FLI1: variants seen among roughly 807,000 people sequenced by gnomAD.
FLI1 encodes the protein Fli-1 proto-oncogene, ETS transcription factor.
In FLI1, 13 loss-of-function variants were observed where a neutral mutation model predicts 53.1. That is an observed-to-expected ratio of 0.24 (90% CI 0.16 to 0.39). FLI1 has a LOEUF of 0.39. Ranked by LOEUF, FLI1 falls within the 10% of genes least tolerant of loss-of-function variation. The pLI is 1.00. For synonymous variants in FLI1, 244 were observed against 236.7 expected (o/e 1.03, Z -0.28); for missense variants, 424 against 600.5 (o/e 0.71, Z 3.07).
chr11:128,694,544 G>C (rs929598658), intron 1 of FLI1, among the ~76,000 whole-genome samples: 4 of 46 alleles, frequency 0.087, no homozygotes, highest in South Asian at 0.5. Context: ...CTGCCCGCCG[G>C]GGCTGCAGGA....
intron 1 of FLI1, among the ~76,000 whole-genome samples, chr11:128,721,478 T>C (rs889999529): frequency 6.6e-6 from 1 of 152,190 alleles, no homozygotes; most frequent in Non-Finnish European, 1.5e-5. Context: ...TTGCTTTATG[T>C]TTGAAATTGT....
chr11:128,710,152 G>A lies in FLI1; in HGVS notation c.18+15876G>A, dbSNP rs2155137. Among the ~76,000 whole-genome samples, 665 of 152,064 alleles carry A rather than the reference G, an allele frequency of 4.4e-3. 4 individuals are homozygous for A. The highest frequency in any genetic ancestry group is 0.01 in the Middle Eastern group (3 of 294). On this transcript the variant is annotated intron_variant, in intron 1 of 8. Transcript: ENST00000527786. ...GAAAGGTCATATTGCTGTCTTTCAC[G>A]GTACACTGCACAACCAAGTATGATT...
At chr11:128,778,312 C>T (rs1430976717) in intron 4 of FLI1, among the ~76,000 whole-genome samples, 2 of 152,156 alleles carry the variant, frequency 1.3e-5, no homozygotes, top group African/African-American at 4.8e-5. Flanking sequence ...CCCATAAGCA[C>T]CTCCCGGGCC....
chr11:128,769,178 C>T (rs1941464438), intron 3 of FLI1, among the ~76,000 whole-genome samples: 1 of 152,276 alleles, frequency 6.6e-6, no homozygotes, highest in East Asian at 1.9e-4. Context: ...TCCTTCAGTC[C>T]ATTGGCTGGA....
chr11:128,755,900 C>T (rs1565483678), intron 1 of FLI1, among the ~76,000 whole-genome samples: 1 of 152,278 alleles, frequency 6.6e-6, no homozygotes, highest in East Asian at 1.9e-4. Context: ...TTTCCCTGAT[C>T]CCAGCTGAAA....
intron 1 of FLI1, among the ~76,000 whole-genome samples, chr11:128,701,075 C>T (rs919669549): frequency 6.6e-6 from 1 of 152,166 alleles, no homozygotes; most frequent in African/African-American, 2.4e-5. Flanking sequence ...GATTAGACAA[C>T]CAGAGATAGA....
chr11:128,753,092 G>A (rs1940718363), intron 1 of FLI1, among the ~76,000 whole-genome samples: 1 of 152,188 alleles, frequency 6.6e-6, no homozygotes, highest in African/African-American at 2.4e-5. Context: ...TTCCCTGCCT[G>A]GAACAAGGGA....
rs41302401 is a variant in FLI1 at position 128,811,328 on chromosome 11, C to A, written c.*340C>A. 4,300 of 388,126 alleles carry A rather than the reference C, an allele frequency of 0.011. 30 individuals are homozygous for A. The highest frequency in any genetic ancestry group is 0.016 in the Non-Finnish European group (3,369 of 213,506). The allele number at this position is 388,126 out of a possible 1,614,324, so 24.0% of individuals were successfully genotyped here. On this transcript the variant is annotated 3_prime_UTR_variant, in exon 9 of 9. Coordinates refer to ENST00000527786, the MANE Select transcript of FLI1 (RefSeq NM_002017.5). ...TACGTTTTCTTTATGTTTTTATGACCAAAGCAGTTTCTTGTCAATACACGG... is the reference window on the plus strand; with the variant it reads ...TACGTTTTCTTTATGTTTTTATGACAAAAGCAGTTTCTTGTCAATACACGG...
chr11:128,704,790 T>C (rs528894672), intron 1 of FLI1, among the ~76,000 whole-genome samples: 2 of 152,210 alleles, frequency 1.3e-5, no homozygotes, highest in Non-Finnish European at 2.9e-5. Context: ...GGCCTTTCTT[T>C]CCCTAGTACT....
intron 7 of FLI1, among the ~76,000 whole-genome samples, chr11:128,807,867 A>T (rs1468389366): frequency 6.6e-6 from 1 of 152,136 alleles, no homozygotes; most frequent in Non-Finnish European, 1.5e-5. Context: ...CCTTCTGGAG[A>T]AGCCTTCCTC....
chr11:128,774,993 CTTCT>C (rs1283843349), intron 4 of FLI1, among the ~76,000 whole-genome samples: 15 of 152,326 alleles, frequency 9.8e-5, no homozygotes, highest in African/African-American at 3.6e-4. Flanking sequence ...AAGCAAATTG[CTTCT>C]TTCTTTTTAA....
At chr11:128,774,451 T>TAAC (rs1178849761) in intron 4 of FLI1, among the ~76,000 whole-genome samples, 1 of 152,230 alleles carries the variant, frequency 6.6e-6, no homozygotes, top group African/African-American at 2.4e-5. Context: ...TTTCAGCTTT[T>TAAC]AACTGTTTGT....
chr11:128,697,825 A>G (rs1329607002), intron 1 of FLI1, among the ~76,000 whole-genome samples: 2 of 152,220 alleles, frequency 1.3e-5, no homozygotes, highest in Non-Finnish European at 2.9e-5. Flanking sequence ...TGAGGATAAA[A>G]CAGGGGTCAA....
intron 4 of FLI1, 52 bp from the exon 5 acceptor site, chr11:128,781,906 T>C: frequency 7.0e-7 from 1 of 1,431,830 alleles, no homozygotes; most frequent in South Asian, 1.1e-5. Flanking sequence ...TCTCCTACTC[T>C]TGATCTCAGA....
chr11:128,763,916 C>T (rs1169468396), intron 2 of FLI1, among the ~76,000 whole-genome samples: 1 of 152,238 alleles, frequency 6.6e-6, no homozygotes, highest in Non-Finnish European at 1.5e-5. Context: ...AAAAAAGTCA[C>T]ATCTATGTCC....
rs554579454 is a variant in FLI1 at position 128,742,642 on chromosome 11, C to T, written c.19-15473C>T. Among the ~76,000 whole-genome samples the T allele has an allele frequency of 1.6e-4, 24 of 152,328 alleles. No individual in the cohort carries two copies. The South Asian group carries it at 4.8e-3, about 30-fold the overall frequency. On this transcript the variant is annotated intron_variant, in intron 1 of 8. Transcript: ENST00000527786. ...TCAAGTCCTCAATAGCCTCACAAGG[C>T]GAGTTGCTTCTGCATTGCATGGTGC...
chr11:128,734,117 AT>A (rs1939813588), intron 1 of FLI1, among the ~76,000 whole-genome samples: 1 of 152,200 alleles, frequency 6.6e-6, no homozygotes. Flanking sequence ...CCCCAAAACC[AT>A]TTGCCAAAGA....
intron 1 of FLI1, among the ~76,000 whole-genome samples, chr11:128,734,977 A>C (rs1043216207): frequency 2.0e-5 from 3 of 152,222 alleles, no homozygotes; most frequent in African/African-American, 7.2e-5. Flanking sequence ...GCCTCGTGGA[A>C]AGGGCCCCAC....
chr11:128,726,418 T>C (rs1286381753), intron 1 of FLI1, among the ~76,000 whole-genome samples: 1 of 152,200 alleles, frequency 6.6e-6, no homozygotes, highest in Non-Finnish European at 1.5e-5. Context: ...ATGAGGGTCC[T>C]GCCTGGCCCC....
Sources: gnomAD v4.1 joint callset for allele counts (sites outside exome capture counted in the v4.1 genomes callset) on GRCh38, gnomAD v4.1.1 for gene constraint, MANE v1.5 for transcripts, NCBI Gene and HGNC (gene_info 2026-07-23, HGNC 2026-07-21) for gene names.